THSD4: variants seen among roughly 807,000 people sequenced by gnomAD.
THSD4 encodes thrombospondin type 1 domain containing 4.
In THSD4, 69 loss-of-function variants were observed where a neutral mutation model predicts 119.0. The observed-to-expected ratio is 0.58, with a 90% CI of 0.48 to 0.71. The LOEUF (loss-of-function observed/expected upper bound fraction) is 0.71. Ranked by LOEUF, THSD4 falls within the 30% of genes least tolerant of loss-of-function variation. The pLI is 0.00. For synonymous variants in THSD4, 524 were observed against 540.4 expected (o/e 0.97, Z 0.42); for missense variants, 1,393 against 1,391.1 (o/e 1.00, Z -0.02).
At chr15:71,618,028 G>A (rs12906246) in intron 7 of THSD4, among the ~76,000 whole-genome samples, 16,986 of 152,180 alleles carry the variant, frequency 0.11, 1,250 homozygotes, top group Middle Eastern at 0.17. Context: ...ACAAGGGTCC[G>A]TATTTTTCCA....
intron 3 of THSD4, 95 bp from the exon 4 acceptor site, chr15:71,214,940 A>C: frequency 8.3e-7 from 1 of 1,207,134 alleles, no homozygotes. Flanking sequence ...GACTGTGCCT[A>C]CTTGTGCCTG....
chr15:71,608,282 A>T (rs1190838808), intron 7 of THSD4, among the ~76,000 whole-genome samples: 7 of 147,980 alleles, frequency 4.7e-5, no homozygotes, highest in African/African-American at 7.4e-5. Flanking sequence ...ACACACACAC[A>T]CTCATTGTAG....
intron 3 of THSD4, among the ~76,000 whole-genome samples, chr15:71,190,395 C>T (rs2043660886): frequency 1.3e-5 from 2 of 152,154 alleles, no homozygotes; most frequent in East Asian, 1.9e-4. Context: ...GAAAACCAGA[C>T]TATTGGGCTC....
intron 7 of THSD4, among the ~76,000 whole-genome samples, chr15:71,532,283 A>AGAGAGAGAGTGTGTGT (rs1379506089): frequency 2.0e-5 from 2 of 101,574 alleles, no homozygotes; most frequent in Admixed American, 1.1e-4. Context: ...AGAGAGAGAG[A>AGAGAGAGAGTGTGTGT]GTGTGTGTGT....
intron 7 of THSD4, among the ~76,000 whole-genome samples, chr15:71,508,664 T>A (rs577670747): frequency 1.4e-4 from 21 of 152,346 alleles, no homozygotes; most frequent in African/African-American, 4.6e-4. Context: ...AGTTTTCTTC[T>A]GAGTAGAGAA....
At chr15:71,341,696 A>G in intron 6 of THSD4, 1 of 1,242,776 alleles carries the variant, frequency 8.0e-7, no homozygotes, top group Non-Finnish European at 1.2e-6. Flanking sequence ...CTCCGGGTCA[A>G]GTGAATAGCG....
At chr15:71,355,341 T>C (rs1206496398) in intron 6 of THSD4, among the ~76,000 whole-genome samples, 2 of 152,220 alleles carry the variant, frequency 1.3e-5, no homozygotes, top group African/African-American at 4.8e-5. Flanking sequence ...ACCTGATGCC[T>C]TTCAGAGCAA....
At chr15:71,529,692 A>G (rs1479880749) in intron 7 of THSD4, among the ~76,000 whole-genome samples, 3 of 152,232 alleles carry the variant, frequency 2.0e-5, no homozygotes, top group Non-Finnish European at 4.4e-5. Context: ...TTAGACAATC[A>G]TCAAAGATTT....
In THSD4 at chr15:71,731,179, A is replaced by C. The variant is rs2052971643; in HGVS notation, c.1592A>C (p.Asn531Thr). Residue 531 changes from asparagine to threonine, a missense_variant, in exon 10 of 18, where the codon AAC (asparagine) becomes ACC (threonine). Coordinates refer to ENST00000261862, the MANE Select transcript of THSD4 (RefSeq NM_024817.3). ...VHYEYVIMGTNAISPQVPPHR... is the reference protein window; with the variant it reads ...VHYEYVIMGTTAISPQVPPHR... Reference sequence around the variant, plus strand: ...TACGAGTACGTGATCATGGGGACCAACGCCATCAGCCCCCAGGTGCCACCC... The same window carrying C: ...TACGAGTACGTGATCATGGGGACCACCGCCATCAGCCCCCAGGTGCCACCC... 3 of 1,614,166 alleles carry C rather than the reference A, an allele frequency of 1.9e-6. No individual in the cohort carries two copies. Among genetic ancestry groups the C allele is most frequent in the Non-Finnish European group, 2.5e-6 (3 of 1,180,006 alleles).
intron 6 of THSD4, among the ~76,000 whole-genome samples, chr15:71,300,014 G>A (rs907162564): frequency 2.0e-5 from 3 of 146,774 alleles, no homozygotes; most frequent in Non-Finnish European, 4.5e-5. Context: ...AGCCATGGGT[G>A]GTGGCAGGCA....
intron 4 of THSD4, among the ~76,000 whole-genome samples, chr15:71,222,408 T>A (rs1009298146): frequency 1.3e-5 from 2 of 152,212 alleles, no homozygotes; most frequent in Admixed American, 1.3e-4. Context: ...TTCATCACAC[T>A]CATTAACCAG....
chr15:71,383,131 CT>C (rs1184868892), intron 6 of THSD4, among the ~76,000 whole-genome samples: 1 of 152,122 alleles, frequency 6.6e-6, no homozygotes, highest in African/African-American at 2.4e-5. Flanking sequence ...TAATTTCTGT[CT>C]TCCTACTTTT....
At chr15:71,572,239 CT>C (rs1165622042) in intron 7 of THSD4, among the ~76,000 whole-genome samples, 3 of 152,192 alleles carry the variant, frequency 2.0e-5, no homozygotes, top group African/African-American at 7.2e-5. Flanking sequence ...GTGAGAGTAG[CT>C]ATATTAAATA....
At chr15:71,359,817 C>T (rs2045868367) in intron 6 of THSD4, among the ~76,000 whole-genome samples, 1 of 151,708 alleles carries the variant, frequency 6.6e-6, no homozygotes, top group African/African-American at 2.4e-5. Flanking sequence ...GCCTGGGTGA[C>T]AGAGCAAGAC....
intron 6 of THSD4, among the ~76,000 whole-genome samples, chr15:71,269,060 C>G (rs1359120403): frequency 1.3e-5 from 2 of 152,038 alleles, no homozygotes; most frequent in Non-Finnish European, 2.9e-5. Flanking sequence ...ACCATTCCTT[C>G]TGAAACTATT....
At position 71,660,688 on chromosome 15, in the gene THSD4, C is replaced by A. The variant is rs773284219; in HGVS notation, c.1311C>A (p.Ala437=). ...GCGTCGTGGAGATTCCCGAGGGAGC[C>A]ACGAAAATCAACATCACGGAGATGT... ...YHRVVEIPEG[A]TKINITEMYK... is the part of the protein sequence containing the mutation. The change falls in exon 8 of 18, where the codon GCC becomes GCA. Residue 437 remains alanine, a synonymous_variant. Transcript: ENST00000261862. 2 of 1,614,006 alleles carry A rather than the reference C, an allele frequency of 1.2e-6. No homozygotes were observed. The highest frequency in any genetic ancestry group is 1.7e-6 in the Non-Finnish European group (2 of 1,180,024).
intron 7 of THSD4, among the ~76,000 whole-genome samples, chr15:71,413,310 G>A (rs890104754): frequency 6.6e-6 from 1 of 152,208 alleles, no homozygotes; most frequent in African/African-American, 2.4e-5. Context: ...ACCGCACCCA[G>A]CTTCTACTCT....
intron 4 of THSD4, among the ~76,000 whole-genome samples, chr15:71,220,102 T>G (rs948909067): frequency 1.3e-5 from 2 of 151,900 alleles, no homozygotes; most frequent in African/African-American, 4.8e-5. Context: ...AAAAAAAAAT[T>G]AGAAGTCACA....
chr15:71,751,089 T>G (rs2053440141), intron 14 of THSD4, among the ~76,000 whole-genome samples: 1 of 152,224 alleles, frequency 6.6e-6, no homozygotes, highest in African/African-American at 2.4e-5. Context: ...TAAGTCCCAC[T>G]GTCCTTTAGA....
Sources: allele counts gnomAD v4.1 joint callset (sites outside exome capture counted in the v4.1 genomes callset), GRCh38; gene constraint gnomAD v4.1.1; transcripts MANE v1.5; gene names NCBI Gene and HGNC (gene_info 2026-07-23, HGNC 2026-07-21).